KCNQ3: variants seen among roughly 807,000 people sequenced by gnomAD.
The protein encoded by KCNQ3 is potassium voltage-gated channel subfamily KQT member 3.
Under a neutral mutation model 92.5 loss-of-function variants are expected in KCNQ3, and 30 were observed. That is an observed-to-expected ratio of 0.32 (90% CI 0.24 to 0.44). The LOEUF (loss-of-function observed/expected upper bound fraction) is 0.44. Among genes scored for constraint, KCNQ3 ranks in the 20% least tolerant of loss-of-function variants. The probability of loss-of-function intolerance (pLI) is 1.00; values close to 1 mark genes in which losing one functional copy is unlikely to be tolerated. For synonymous variants in KCNQ3, 450 were observed against 468.8 expected, an observed-to-expected ratio of 0.96 and a Z score of 0.52; for missense variants, 913 against 1,140.3, an observed-to-expected ratio of 0.80 and a Z score of 2.87.
At chr8:132,372,551 T>C (rs1586964661) in intron 1 of KCNQ3, among the ~76,000 whole-genome samples, 1 of 150,712 alleles carries the variant, frequency 6.6e-6, no homozygotes, top group Non-Finnish European at 1.5e-5. Context: ...AGGTCAGGAG[T>C]TCAAGACCAG....
chr8:132,442,147 A>G (rs1291122769), intron 1 of KCNQ3, among the ~76,000 whole-genome samples: 1 of 152,192 alleles, frequency 6.6e-6, no homozygotes, highest in East Asian at 1.9e-4. Flanking sequence ...TACCTGCTTG[A>G]TGAAATAATC....
chr8:132,333,970 T>C (rs914228711), intron 1 of KCNQ3, among the ~76,000 whole-genome samples: 1 of 151,766 alleles, frequency 6.6e-6, no homozygotes, highest in Non-Finnish European at 1.5e-5. Flanking sequence ...TGACCTCAAG[T>C]GACCCTCCCG....
intron 1 of KCNQ3, among the ~76,000 whole-genome samples, chr8:132,313,231 A>G (rs554119044): frequency 6.6e-6 from 1 of 152,356 alleles, no homozygotes; most frequent in Admixed American, 6.5e-5. Flanking sequence ...AATACCTATG[A>G]AAAGAATGTG....
At chr8:132,229,260 C>CAAA (rs377431481) in intron 1 of KCNQ3, among the ~76,000 whole-genome samples, 77 of 118,914 alleles carry the variant, frequency 6.5e-4, no homozygotes, top group African/African-American at 2.4e-3. Context: ...GACTCCGTCT[C>CAAA]AAAAAAAAAA....
intron 1 of KCNQ3, among the ~76,000 whole-genome samples, chr8:132,291,765 G>T (rs1469924301): frequency 6.6e-6 from 1 of 152,142 alleles, no homozygotes; most frequent in South Asian, 2.1e-4. Flanking sequence ...ATTCATTTAT[G>T]CCATCTATAA....
chr8:132,251,066 A>C (rs1177970832), intron 1 of KCNQ3, among the ~76,000 whole-genome samples: 1 of 152,134 alleles, frequency 6.6e-6, no homozygotes, highest in Non-Finnish European at 1.5e-5. Context: ...CAAGTGTTTG[A>C]TACCAGCCTG....
chr8:132,351,196 C>T (rs1478352137), intron 1 of KCNQ3, among the ~76,000 whole-genome samples: 6 of 152,208 alleles, frequency 3.9e-5, no homozygotes, highest in Admixed American at 3.9e-4. Flanking sequence ...ATCCCCAAGG[C>T]TGGGATGGAT....
chr8:132,258,942 A>C (rs1272793006), intron 1 of KCNQ3, among the ~76,000 whole-genome samples: 3 of 152,124 alleles, frequency 2.0e-5, no homozygotes, highest in Non-Finnish European at 4.4e-5. Flanking sequence ...CAAAGTATTA[A>C]AACTGAGTTA....
chr8:132,251,762 A>T (rs867326751), intron 1 of KCNQ3, among the ~76,000 whole-genome samples: 39 of 152,352 alleles, frequency 2.6e-4, no homozygotes, highest in Middle Eastern at 6.8e-3. Context: ...CAGCTCAGTC[A>T]GAGAATGCTT....
At chr8:132,177,624 G>A (rs1012154822) in intron 4 of KCNQ3, among the ~76,000 whole-genome samples, 1 of 152,174 alleles carries the variant, frequency 6.6e-6, no homozygotes, top group African/African-American at 2.4e-5. Context: ...GGGAGCTCTA[G>A]GGCTCATTTA....
chr8:132,389,120 C>A (rs1028157023), intron 1 of KCNQ3, among the ~76,000 whole-genome samples: 2 of 152,138 alleles, frequency 1.3e-5, no homozygotes, highest in East Asian at 1.9e-4. Context: ...TGAATTCTTT[C>A]ATAAAGGACA....
At chr8:132,349,136 A>C (rs1476423383) in intron 1 of KCNQ3, among the ~76,000 whole-genome samples, 2 of 152,186 alleles carry the variant, frequency 1.3e-5, no homozygotes, top group Non-Finnish European at 2.9e-5. Flanking sequence ...ACAGTAATGC[A>C]GATTGTCAGA....
chr8:132,177,968 C>A (rs541820225), intron 4 of KCNQ3, among the ~76,000 whole-genome samples: 1 of 152,316 alleles, frequency 6.6e-6, no homozygotes, highest in East Asian at 1.9e-4. Flanking sequence ...CCATTCCCAC[C>A]CCTGGGAAAC....
At chr8:132,147,490 C>T (rs1586770249) in intron 9 of KCNQ3, among the ~76,000 whole-genome samples, 1 of 152,140 alleles carries the variant, frequency 6.6e-6, no homozygotes, top group Non-Finnish European at 1.5e-5. Flanking sequence ...CTTTTTTATT[C>T]ATTGCTATAT....
At chr8:132,168,455 GGAGTGCCCT>G (rs1355691799) in intron 8 of KCNQ3, among the ~76,000 whole-genome samples, 18 of 152,112 alleles carry the variant, frequency 1.2e-4, no homozygotes, top group African/African-American at 4.1e-4. Flanking sequence ...ATTAGTGGAC[GGAGTGCCCT>G]GAGTGCCCTG....
chr8:132,169,632 T>C (rs1047813548), intron 8 of KCNQ3, among the ~76,000 whole-genome samples: 3 of 152,050 alleles, frequency 2.0e-5, no homozygotes, highest in African/African-American at 7.2e-5. Flanking sequence ...GGGTGGCTCA[T>C]TGTGTGGGCT....
intron 1 of KCNQ3, among the ~76,000 whole-genome samples, chr8:132,197,788 C>T (rs1827342997): frequency 6.6e-6 from 1 of 152,160 alleles, no homozygotes; most frequent in African/African-American, 2.4e-5. Flanking sequence ...TTTTATTAAA[C>T]ATCCAAAAGT....
In KCNQ3 at chr8:132,140,262, C is replaced by T. The variant is rs1586762941; in HGVS notation, c.1466-84G>A. On this transcript the variant is annotated intron_variant, in intron 10 of 14. Coordinates refer to ENST00000388996, the MANE Select transcript of KCNQ3 (RefSeq NM_004519.4). ...CCCACTGTTCGGTCAAAGCCTTCCA[C>T]GCCTCTGGATGTGTCAATCCCCAGA... The T allele has an allele frequency of 1.2e-5, 11 of 882,968 alleles. No homozygotes were observed. The Middle Eastern group carries it at 1.2e-3, about 95-fold the overall frequency. The allele number at this position is 882,968 out of a possible 1,614,324, so 54.7% of individuals were successfully genotyped here.
chr8:132,205,314 A>G (rs2130276165), intron 1 of KCNQ3, among the ~76,000 whole-genome samples: 2 of 152,308 alleles, frequency 1.3e-5, no homozygotes, highest in South Asian at 4.1e-4. Flanking sequence ...AAATCCATAA[A>G]CCTCAAACCA....
Sources: allele counts gnomAD v4.1 joint callset (sites outside exome capture counted in the v4.1 genomes callset), GRCh38; gene constraint gnomAD v4.1.1; transcripts MANE v1.5; gene names NCBI Gene and HGNC (gene_info 2026-07-23, HGNC 2026-07-21).